Variants in INSL6 observed in about 807,000 individuals in gnomAD.
The protein encoded by INSL6 is insulin like 6.
Under a neutral mutation model 9.4 loss-of-function variants are expected in INSL6, and 16 were observed. That is an observed-to-expected ratio of 1.70 (90% CI 1.15 to 2.59). INSL6 has a LOEUF of 2.59. INSL6 is among the 30% of genes most tolerant of loss of function. INSL6 has a pLI of 0.00. For missense variants in INSL6, 391 were observed against 257.3 expected (o/e 1.52, Z -3.56); for synonymous variants, 154 against 96.9 (o/e 1.59, Z -3.46).
chr9:5,046,210 ATCT>A, the INSL6 span, among the ~76,000 whole-genome samples: 1 of 152,108 alleles, frequency 6.6e-6, no homozygotes, highest in Non-Finnish European at 1.5e-5. Context: ...CTATTTGTTT[ATCT>A]TCTTTGCAGA....
chr9:5,146,334 G>T (rs994093178), intron 2 of INSL6, among the ~76,000 whole-genome samples: 1 of 152,148 alleles, frequency 6.6e-6, no homozygotes, highest in African/African-American at 2.4e-5. Context: ...ACCAAGGTGT[G>T]GCAGCTGCAT....
chr9:5,127,779 T>C (rs1824094253), intron 3 of INSL6: 1 of 232,562 alleles, frequency 4.3e-6, no homozygotes, highest in East Asian at 6.0e-5. Flanking sequence ...CATTAAGAAG[T>C]GCAGCAGGTT....
the INSL6 span, chr9:5,081,764 T>A: frequency 6.2e-7 from 1 of 1,601,694 alleles, no homozygotes; most frequent in Non-Finnish European, 8.6e-7. Flanking sequence ...TTACCAAATA[T>A]GAGGATAGGT....
chr9:5,080,463 T>C, the INSL6 span: 4 of 1,538,114 alleles, frequency 2.6e-6, no homozygotes, highest in South Asian at 3.7e-5. Flanking sequence ...TTTTAGCCCA[T>C]CTAATTTTAA....
chr9:5,063,884 A>G, the INSL6 span, among the ~76,000 whole-genome samples: 147 of 152,370 alleles, frequency 9.6e-4, 2 homozygotes, highest in East Asian at 0.02. Context: ...CAGGCCGGGC[A>G]TGGTGACTCA....
the INSL6 span, among the ~76,000 whole-genome samples, chr9:5,061,018 G>C: frequency 1.3e-5 from 2 of 152,170 alleles, no homozygotes; most frequent in Non-Finnish European, 2.9e-5. Context: ...TTGTCAATGA[G>C]AGTAATACTT....
chr9:5,140,715 A>ACT (rs35146492), intron 2 of INSL6, among the ~76,000 whole-genome samples: 1 of 151,248 alleles, frequency 6.6e-6, no homozygotes, highest in African/African-American at 2.4e-5. Context: ...GTGGGGATTC[A>ACT]TTTTTTTTTC....
chr9:5,126,268 A>C (rs1823989085), intron 3 of INSL6: 1 of 1,168,308 alleles, frequency 8.6e-7, no homozygotes, highest in African/African-American at 1.6e-5. Context: ...TGACTGGAGG[A>C]AATTGAGAAA....
At chr9:5,029,899 A>G in the INSL6 span, 1 of 1,591,604 alleles carries the variant, frequency 6.3e-7, no homozygotes, top group East Asian at 2.3e-5. Flanking sequence ...TGTACTCTAC[A>G]GAATAAGGTA....
chr9:5,149,142 C>T (rs1032281219), intron 2 of INSL6, among the ~76,000 whole-genome samples: 2 of 152,230 alleles, frequency 1.3e-5, no homozygotes, highest in Non-Finnish European at 2.9e-5. Flanking sequence ...TGCCACTTCA[C>T]ACATCTGTGG....
chr9:5,167,312 C>T (rs1326602768), intron 1 of INSL6, among the ~76,000 whole-genome samples: 1 of 152,230 alleles, frequency 6.6e-6, no homozygotes, highest in East Asian at 1.9e-4. Context: ...AAGCATTAAG[C>T]TATGCAGACT....
chr9:5,146,960 G>A (rs1417089783), intron 2 of INSL6, among the ~76,000 whole-genome samples: 1 of 152,162 alleles, frequency 6.6e-6, no homozygotes, highest in Non-Finnish European at 1.5e-5. Flanking sequence ...AAGGCCAACA[G>A]CAAGGAGCGT....
At chr9:5,067,634 A>G in the INSL6 span, among the ~76,000 whole-genome samples, 2 of 152,090 alleles carry the variant, frequency 1.3e-5, no homozygotes, top group African/African-American at 4.8e-5. Flanking sequence ...AGTACATTAT[A>G]TTCAAGTATG....
chr9:5,055,935 T>C, the INSL6 span: 2 of 649,802 alleles, frequency 3.1e-6, no homozygotes, highest in African/African-American at 3.7e-5. Flanking sequence ...AGTAAACTTT[T>C]TGATAACATC....
chr9:5,050,968 C>G, the INSL6 span: 2 of 774,284 alleles, frequency 2.6e-6, no homozygotes, highest in African/African-American at 3.6e-5. Flanking sequence ...TGCTTGGAAT[C>G]AGAAATGCTT....
the INSL6 span, among the ~76,000 whole-genome samples, chr9:5,033,289 G>A: frequency 6.5e-3 from 995 of 152,220 alleles, 10 homozygotes; most frequent in African/African-American, 0.022. Context: ...CTGATGGGGA[G>A]AATGGAACCA....
At chr9:5,029,996 C>A in the INSL6 span, 3 of 1,120,472 alleles carry the variant, frequency 2.7e-6, no homozygotes, top group East Asian at 2.5e-5. Flanking sequence ...GTACTTAATA[C>A]CAGATACCTG....
chr9:5,003,254 C>G, the INSL6 span, among the ~76,000 whole-genome samples: 2 of 151,906 alleles, frequency 1.3e-5, no homozygotes, highest in Admixed American at 1.3e-4. Context: ...TCCACAAAAA[C>G]TGCTAGGATT....
rs908377183 is a variant in INSL6, at chr9:5,167,999, G to T, written c.290-3734C>A. Among the ~76,000 whole-genome samples the T allele has an allele frequency of 4.6e-5, 7 of 152,214 alleles. No individual in the cohort carries two copies. In the South Asian group the frequency reaches 6.2e-4, roughly 14 times the overall value. On this transcript the variant is annotated intron_variant, in intron 1 of 1. Coordinates refer to ENST00000381641, the MANE Select transcript of INSL6 (RefSeq NM_007179.3). Reference sequence around the variant, plus strand: ...AACCCTATGGAAGAGTGGCCCTACTGCTAAAATAAAAACAAACAGGGAGCA... The same window carrying T: ...AACCCTATGGAAGAGTGGCCCTACTTCTAAAATAAAAACAAACAGGGAGCA...
Sources: gnomAD v4.1 joint callset for allele counts (sites outside exome capture counted in the v4.1 genomes callset) on GRCh38, gnomAD v4.1.1 for gene constraint, MANE v1.5 for transcripts, NCBI Gene and HGNC (gene_info 2026-07-23, HGNC 2026-07-21) for gene names.